CHRNB4: variants seen among roughly 807,000 people sequenced by gnomAD.
The protein encoded by CHRNB4 is cholinergic receptor nicotinic beta 4 subunit.
In CHRNB4, 23 loss-of-function variants were observed where a neutral mutation model predicts 40.4. That is an observed-to-expected ratio of 0.57 (90% CI 0.41 to 0.81). The LOEUF is 0.81. CHRNB4 is among the 30% of genes least tolerant of loss of function. CHRNB4 has a pLI of 0.00. For synonymous variants in CHRNB4, 285 were observed against 274.4 expected (o/e 1.04, Z -0.38); for missense variants, 568 against 670.6 (o/e 0.85, Z 1.69).
chr15:78,634,564 G>A lies in CHRNB4; in HGVS notation c.204+875C>T, dbSNP rs2053906000. The A allele has an allele frequency of 1.7e-5, 6 of 362,644 alleles. No individual in the cohort carries two copies. The Admixed American group carries it at 2.0e-4, about 12-fold the overall frequency. 22.5% of individuals were successfully genotyped at this position (362,644 alleles called of 1,614,324 possible). A position where few individuals can be genotyped will look rare whatever the true frequency, so the allele number is the denominator to read the frequency against. On this transcript the variant is annotated intron_variant, in intron 2 of 5. Coordinates refer to ENST00000261751, the MANE Select transcript of CHRNB4 (RefSeq NM_000750.5). ...CTGAGGGCTGTAGGTTTGACAGGCT[G>A]GGTGTGTGTGGGCCAACCGTGCTAG...
intron 7 of CHRNB4, among the ~76,000 whole-genome samples, chr15:78,648,527 G>T (rs551774256): frequency 6.6e-6 from 1 of 151,746 alleles, no homozygotes; most frequent in South Asian, 2.1e-4. Flanking sequence ...AGGCCGAGGC[G>T]GATGGATCAC....
At chr15:78,655,622 G>A (rs540973255) in exon 5 of CHRNB4, 1 of 151,854 alleles carries the variant, frequency 6.6e-6, no homozygotes, top group Non-Finnish European at 1.5e-5. Flanking sequence ...AGTGAGCCAC[G>A]ATGGTGCTAC....
chr15:78,634,769 A>G (rs920997225), intron 2 of CHRNB4: 3 of 455,974 alleles, frequency 6.6e-6, no homozygotes, highest in Admixed American at 2.3e-5. Flanking sequence ...AAGGTTTACA[A>G]TAGGCCATGG....
At position 78,624,124 on chromosome 15, in the gene CHRNB4, C is replaced by T. The variant is rs2053599666; in HGVS notation, c.*1009G>A. On this transcript the variant is annotated 3_prime_UTR_variant, in exon 6 of 6. Coordinates refer to ENST00000261751, the MANE Select transcript of CHRNB4 (RefSeq NM_000750.5). The stretch of plus-strand genomic sequence containing the variant: ...AGGAGCCATTCATTCATTCAACAAA[C>T]ATTTATTGAGCACCTACTGTGTGCC... The T allele has an allele frequency of 6.6e-6, 1 of 152,216 alleles. No homozygotes were observed. The highest frequency in any genetic ancestry group is 1.5e-5 in the Non-Finnish European group (1 of 68,088). 9.4% of individuals were successfully genotyped at this position (152,216 alleles called of 1,614,324 possible).
chr15:78,648,320 G>C (rs1183278164), intron 7 of CHRNB4, among the ~76,000 whole-genome samples: 2 of 148,204 alleles, frequency 1.3e-5, no homozygotes, highest in African/African-American at 5.0e-5. Context: ...ATGAACCTGA[G>C]AGACGGAGCT....
At chr15:78,655,403 C>CATATCTATATATATCT (rs2054204234) in intron 5 of CHRNB4, 2 of 147,864 alleles carry the variant, frequency 1.4e-5, no homozygotes, top group African/African-American at 5.1e-5. Context: ...ATATACGTTA[C>CATATCTATATATATCT]ATATCTATAT....
In CHRNB4 at chr15:78,629,242, T is replaced by C; in HGVS notation, c.1063A>G (p.Ser355Gly). The C allele has an allele frequency of 6.2e-7, 1 of 1,613,430 alleles. No individual in the cohort carries two copies. Among genetic ancestry groups the C allele is most frequent in the Non-Finnish European group, 8.5e-7 (1 of 1,179,584 alleles). The stretch of plus-strand genomic sequence containing the variant: ...CTGGGCGGGAAGGCTCTGGCCGGGC[T>C]GCTGTCGGGGCCAGGGCGCTTCATG... ...LFMKRPGPDSSPARAFPPSKS... is the reference protein window; with the variant it reads ...LFMKRPGPDSGPARAFPPSKS... Residue 355 changes from serine to glycine, a missense_variant, in exon 5 of 6, where the codon AGC becomes GGC. Ser to Gly is a moderately conservative substitution (Grantham distance 56, BLOSUM62 0). Transcript: ENST00000261751. The surrounding 1 kb of genome is among the most constrained non-coding windows in gnomAD (Gnocchi z 6.8).
At chr15:78,643,376 A>G (rs1408104024), upstream of CHRNB4, among the ~76,000 whole-genome samples, 1 of 151,740 alleles carries the variant, frequency 6.6e-6, no homozygotes, top group African/African-American at 2.4e-5. Flanking sequence ...CAGCCTTCCA[A>G]AGTGCTGGGA....
rs1352026945 is a variant in CHRNB4, at chr15:78,629,411, G to A, written c.894C>T (p.Tyr298=). 1 of 1,614,128 alleles carries A rather than the reference G, an allele frequency of 6.2e-7. No homozygotes were observed. The highest frequency in any genetic ancestry group is 1.7e-5 in the Admixed American group (1 of 60,026). Residue 298 remains tyrosine, a synonymous_variant, in exon 5 of 6, where the codon TAC becomes TAT. Coordinates refer to ENST00000261751, the MANE Select transcript of CHRNB4 (RefSeq NM_000750.5). The surrounding 1 kb of genome is among the most constrained non-coding windows in gnomAD (Gnocchi z 6.8). ...TGACCAGCACCATGGTGAACATGAG[G>A]TACTTGCCGATGAGAGGCACATCGA... ...TSLDVPLIGK[Y]LMFTMVLVTF...
At position 78,629,765 on chromosome 15, in the gene CHRNB4, C is replaced by T; in HGVS notation, c.540G>A (p.Glu180=). ...KFRSWTYDHT[E]IDMVLMTPTA... ...TGGGCGTCATGAGGACCATGTCTAT[C>T]TCCGTGTGGTCATAGGTCCAGGAGC... The change falls in exon 5 of 6, where the codon GAG becomes GAA. Residue 180 remains glutamate, a synonymous_variant. Transcript: ENST00000261751. This position sits in a 1 kb window ranked among gnomAD's most constrained non-coding sequence, Gnocchi z 6.8. 1 of 1,614,114 alleles carries T rather than the reference C, an allele frequency of 6.2e-7. No homozygotes were observed. Among genetic ancestry groups the T allele is most frequent in the Non-Finnish European group, 8.5e-7 (1 of 1,180,006 alleles).
intron 2 of CHRNB4, among the ~76,000 whole-genome samples, chr15:78,657,995 C>A (rs370646952): frequency 1.7e-4 from 25 of 145,170 alleles, no homozygotes; most frequent in African/African-American, 5.8e-4. Context: ...ACACATATAT[C>A]ATTATTCCTC....
At chr15:78,646,329 A>G (rs1010124388) in intron 7 of CHRNB4, among the ~76,000 whole-genome samples, 21 of 152,208 alleles carry the variant, frequency 1.4e-4, no homozygotes, top group Admixed American at 7.9e-4. Flanking sequence ...GGAAGTAAAT[A>G]CAACTAGATC....
chr15:78,659,492 G>C (rs2054236623), intron 1 of CHRNB4, among the ~76,000 whole-genome samples: 1 of 152,044 alleles, frequency 6.6e-6, no homozygotes, highest in Admixed American at 6.6e-5. Flanking sequence ...AGGCTCTAGA[G>C]AAAACAAAAC....
intron 1 of CHRNB4, among the ~76,000 whole-genome samples, chr15:78,639,917 G>C (rs1170726841): frequency 6.6e-6 from 1 of 152,168 alleles, no homozygotes; most frequent in Non-Finnish European, 1.5e-5. Flanking sequence ...GGGTCACCCA[G>C]CTAGTAGAAG....
At chr15:78,650,060 T>C (rs1262668659) in intron 6 of CHRNB4, among the ~76,000 whole-genome samples, 1 of 152,150 alleles carries the variant, frequency 6.6e-6, no homozygotes, top group Non-Finnish European at 1.5e-5. Context: ...AGGATGGCTG[T>C]GGACATGGGC....
At chr15:78,638,577 G>A (rs1000253384) in intron 1 of CHRNB4, among the ~76,000 whole-genome samples, 9 of 152,082 alleles carry the variant, frequency 5.9e-5, no homozygotes, top group Admixed American at 4.6e-4. Flanking sequence ...CGGGCAGTGT[G>A]TGCCCATGAC....
At chr15:78,630,929 T>A in intron 4 of CHRNB4, 147 bp downstream of exon 4, 1 of 649,624 alleles carries the variant, frequency 1.5e-6, no homozygotes, top group Non-Finnish European at 2.7e-6. Context: ...TCTGCTCACC[T>A]CTGTTTCTCT....
intron 5 of CHRNB4, chr15:78,626,384 G>GTGTGTGTGTGTGTGTGTGTGT (rs35851650): frequency 3.5e-5 from 3 of 86,874 alleles, no homozygotes; most frequent in Admixed American, 1.3e-4. Flanking sequence ...GTGTGTGTGT[G>GTGTGTGTGTGTGTGTGTGTGT]TTTCCCCCTT....
In CHRNB4 at chr15:78,624,777, G is replaced by C; in HGVS notation, c.*356C>G. On this transcript the variant is annotated 3_prime_UTR_variant, in exon 6 of 6. Coordinates refer to ENST00000261751, the MANE Select transcript of CHRNB4 (RefSeq NM_000750.5). ...TAGAAGTGTGTGAGGAACTGGACAAGGGGAAGTGGAGAGAGATGGTGATGG... is the reference window on the plus strand; with the variant it reads ...TAGAAGTGTGTGAGGAACTGGACAACGGGAAGTGGAGAGAGATGGTGATGG... 1.9e-6 allele frequency: 1 copy of C among 534,062 alleles called. No individual in the cohort carries two copies. 33.1% of individuals were successfully genotyped at this position (534,062 alleles called of 1,614,324 possible).
Sources: allele counts gnomAD v4.1 joint callset (sites outside exome capture counted in the v4.1 genomes callset), GRCh38; gene constraint gnomAD v4.1.1; non-coding constraint Gnocchi (gnomAD v3.1); transcripts MANE v1.5; gene names NCBI Gene and HGNC (gene_info 2026-07-23, HGNC 2026-07-21).